Variants in ADAM22 observed in about 807,000 individuals in gnomAD.
The protein encoded by ADAM22 is ADAM metallopeptidase domain 22.
A neutral mutation model predicts 144.6 loss-of-function variants in ADAM22; 65 were observed. The ratio of observed to expected loss-of-function variants is 0.45; its 90% confidence interval spans 0.37 to 0.55. ADAM22 has a LOEUF of 0.55. Ranked by LOEUF, ADAM22 falls within the 20% of genes least tolerant of loss-of-function variation. The pLI, the probability that ADAM22 is intolerant of heterozygous loss-of-function variation, is 0.00. For synonymous variants in ADAM22, 391 were observed against 412.6 expected, an observed-to-expected ratio of 0.95 and a Z score of 0.63; for missense variants, 974 against 1,184.9, an observed-to-expected ratio of 0.82 and a Z score of 2.61.
chr7:88,027,238 G>A (rs1290456510), intron 3 of ADAM22, among the ~76,000 whole-genome samples: 1 of 152,080 alleles, frequency 6.6e-6, no homozygotes, highest in Non-Finnish European at 1.5e-5. Context: ...GGTAATACTG[G>A]CTTTGTAGAA....
chr7:87,979,507 A>G (rs1053046932), intron 3 of ADAM22, among the ~76,000 whole-genome samples: 4 of 152,162 alleles, frequency 2.6e-5, no homozygotes, highest in Non-Finnish European at 4.4e-5. Context: ...ACCATTTAAT[A>G]TATAGGTGAA....
Position 88,196,555 on chromosome 7 carries a change from T to A in ADAM22, c.*64T>A. The A allele has an allele frequency of 6.5e-7, 1 of 1,547,048 alleles. No homozygotes were observed. The highest frequency in any genetic ancestry group is 1.1e-5 in the South Asian group (1 of 89,740). On this transcript the variant is annotated 3_prime_UTR_variant, in exon 32 of 32. Transcript: ENST00000413139. ...CTTCAACTTTTATAGAAACCCAGGC[T>A]CATGGAATCACTGCAAATCTATCTG...
chr7:87,953,605 G>T (rs1231798547), intron 2 of ADAM22, among the ~76,000 whole-genome samples: 2 of 151,962 alleles, frequency 1.3e-5, no homozygotes, highest in Non-Finnish European at 2.9e-5. Context: ...GTGCTGAAAA[G>T]AATGTATGTT....
At chr7:87,958,570 G>C (rs1192780148) in intron 2 of ADAM22, among the ~76,000 whole-genome samples, 1 of 151,982 alleles carries the variant, frequency 6.6e-6, no homozygotes, top group Admixed American at 6.6e-5. Context: ...ATTTTTAGTA[G>C]AGATGGGGTT....
At chr7:87,975,156 C>G (rs1851605414) in intron 2 of ADAM22, among the ~76,000 whole-genome samples, 1 of 152,240 alleles carries the variant, frequency 6.6e-6, no homozygotes, top group Admixed American at 6.5e-5. Flanking sequence ...AATGTTGTTA[C>G]CTGGATATTA....
intron 22 of ADAM22, among the ~76,000 whole-genome samples, chr7:88,158,943 C>G (rs775271425): frequency 6.6e-6 from 1 of 151,578 alleles, no homozygotes; most frequent in Non-Finnish European, 1.5e-5. Context: ...ACATGAAAAG[C>G]CAGGTAAAAT....
chr7:88,039,225 C>T (rs986492904), intron 3 of ADAM22, among the ~76,000 whole-genome samples: 10 of 151,144 alleles, frequency 6.6e-5, no homozygotes, highest in African/African-American at 1.9e-4. Context: ...AGGCGGATCA[C>T]GAGGTCAGGA....
intron 2 of ADAM22, among the ~76,000 whole-genome samples, chr7:87,967,359 A>G (rs542453784): frequency 3.0e-4 from 45 of 152,214 alleles, no homozygotes; most frequent in Non-Finnish European, 5.9e-4. Context: ...CACATGAAGT[A>G]GCTCTTTAAA....
At chr7:88,148,944 A>T in intron 17 of ADAM22, 33 bp from the exon 18 acceptor site, 2 of 1,536,428 alleles carry the variant, frequency 1.3e-6, no homozygotes, top group Admixed American at 3.7e-5. Context: ...TTTTCTCCCT[A>T]CAGTTTCACA....
intron 3 of ADAM22, among the ~76,000 whole-genome samples, chr7:88,006,405 G>T (rs945782372): frequency 3.3e-5 from 5 of 151,912 alleles, no homozygotes; most frequent in Admixed American, 6.6e-5. Flanking sequence ...ATTTTATGAG[G>T]CCAGCATCAT....
chr7:88,149,938 C>T (rs376014123), intron 18 of ADAM22, among the ~76,000 whole-genome samples: 2 of 152,152 alleles, frequency 1.3e-5, no homozygotes, highest in African/African-American at 4.8e-5. Flanking sequence ...TGAACTGTCA[C>T]ACCCTTTTCT....
intron 4 of ADAM22, among the ~76,000 whole-genome samples, chr7:88,081,780 G>C (rs1488741583): frequency 7.1e-6 from 1 of 141,454 alleles, no homozygotes; most frequent in African/African-American, 2.7e-5. Context: ...CAACTTACAA[G>C]GGATGTGAAG....
At position 88,025,985 on chromosome 7, in the gene ADAM22, ATTT is replaced by A. The variant is rs372516058; in HGVS notation, c.323+47577_323+47579del. On this transcript the variant is annotated intron_variant, in intron 3 of 31. Coordinates refer to ENST00000413139, the MANE Select transcript of ADAM22 (RefSeq NM_001324418.2). ...ATGGTCATTTTAACAATATCTTTTCATTTTTTGTGTGTGTGTCCTCTTCAATTT... is the reference window on the plus strand; with the variant it reads ...ATGGTCATTTTAACAATATCTTTTCATTTGTGTGTGTGTCCTCTTCAATTT... Among the ~76,000 whole-genome samples, 319 of 151,966 alleles carry A rather than the reference ATTT, an allele frequency of 2.1e-3. 1 individual carries two copies. Among genetic ancestry groups the A allele is most frequent in the African/African-American group, 7.4e-3 (305 of 41,488 alleles).
chr7:88,162,097 T>TAC (rs61053925), intron 22 of ADAM22, among the ~76,000 whole-genome samples: 11,544 of 136,740 alleles, frequency 0.084, 507 homozygotes, highest in Middle Eastern at 0.1. Flanking sequence ...AAATGTGTAA[T>TAC]ACACACACAC....
rs1323807974 is a variant in ADAM22 at position 88,143,213 on chromosome 7, A to C, written c.1320+88A>C. On this transcript the variant is annotated intron_variant, in intron 15 of 31. Coordinates refer to ENST00000413139, the MANE Select transcript of ADAM22 (RefSeq NM_001324418.2). ...TACACATTTTCAGCTATTGAATCTT[A>C]GAGAGCTTTTCAACTTGCCCTGTAT... The C allele has an allele frequency of 5.3e-6, 5 of 946,642 alleles. No homozygotes were observed. The African/African-American group carries it at 6.6e-5, about 13-fold the overall frequency. The allele number at this position is 946,642 out of a possible 1,614,324, so 58.6% of individuals were successfully genotyped here.
intron 11 of ADAM22, chr7:88,132,058 C>G: frequency 6.6e-6 from 1 of 151,962 alleles, no homozygotes; most frequent in East Asian, 1.9e-4. Context: ...TCAGATTCAT[C>G]AATTATTCAC....
chr7:88,165,109 C>A (rs2129530209), intron 23 of ADAM22, among the ~76,000 whole-genome samples: 1 of 152,178 alleles, frequency 6.6e-6, no homozygotes, highest in South Asian at 2.1e-4. Context: ...TCATCTTCAA[C>A]CTAACTTAAC....
intron 4 of ADAM22, among the ~76,000 whole-genome samples, chr7:88,086,148 C>T (rs1818405622): frequency 6.6e-6 from 1 of 152,090 alleles, no homozygotes; most frequent in Non-Finnish European, 1.5e-5. Context: ...TGCACTCCAG[C>T]CTGGGCGACA....
intron 18 of ADAM22, among the ~76,000 whole-genome samples, chr7:88,150,730 T>G (rs1001226630): frequency 1.3e-5 from 2 of 152,162 alleles, no homozygotes; most frequent in Non-Finnish European, 2.9e-5. Context: ...TAGATTCATA[T>G]TTTCAGGGGC....
Sources: gnomAD v4.1 joint callset for allele counts (sites outside exome capture counted in the v4.1 genomes callset) on GRCh38, gnomAD v4.1.1 for gene constraint, MANE v1.5 for transcripts, NCBI Gene and HGNC (gene_info 2026-07-23, HGNC 2026-07-21) for gene names.